ZFYVE28: variants seen among roughly 807,000 people sequenced by gnomAD.
ZFYVE28 encodes the protein lateral signaling target protein 2 homolog.
In ZFYVE28, 40 loss-of-function variants were observed where a neutral mutation model predicts 82.1. The ratio of observed to expected loss-of-function variants is 0.49; its 90% CI spans 0.38 to 0.63. The LOEUF (loss-of-function observed/expected upper bound fraction) is 0.63, where lower values mean the gene tolerates loss of function less well. Among genes scored for constraint, ZFYVE28 ranks in the 30% least tolerant of loss-of-function variants. ZFYVE28 has a pLI of 0.00. For missense variants in ZFYVE28, 1,321 were observed against 1,242.1 expected (o/e 1.06, Z -0.96); for synonymous variants, 612 against 546.1 (o/e 1.12, Z -1.68).
At position 2,305,325 on chromosome 4, in the gene ZFYVE28, C is replaced by G. The variant is rs202215374; in HGVS notation, c.1015G>C (p.Asp339His). The change falls in exon 8 of 13, where the codon GAC becomes CAC. Residue 339 changes from aspartate (D) to histidine (H), a missense_variant. By Grantham distance (81) the Asp-to-His change is moderately conservative (BLOSUM62 -1). Around this residue, in one of 2 missense-constraint regions of ZFYVE28, gnomAD observed 978 missense variants for 833.7 expected, o/e 1.17. Transcript: ENST00000290974. ...CGGCTGAGCTGCTCCAGCTCCTGGT[C>G]GTCGTACTGCATGGAGCAGGCCAGC... Reference protein sequence around the residue: ...AELACSMQYDDQELEQLSRMV... With the variant: ...AELACSMQYDHQELEQLSRMV... 6.8e-6 allele frequency: 11 copies of G among 1,613,124 alleles called. No homozygotes were observed. The East Asian group carries it at 2.5e-4, about 36-fold the overall frequency.
chr4:2,320,368 G>T lies in ZFYVE28; in HGVS notation c.702-97C>A. 1 of 1,047,106 alleles carries T rather than the reference G, an allele frequency of 9.6e-7. No individual in the cohort carries two copies. The highest frequency in any genetic ancestry group is 1.4e-6 in the Non-Finnish European group (1 of 705,210). 64.9% of individuals were successfully genotyped at this position (1,047,106 alleles called of 1,614,324 possible). A position where few individuals can be genotyped will look rare whatever the true frequency, so the allele number is the denominator to read the frequency against. On this transcript the variant is annotated intron_variant, in intron 6 of 12. Coordinates refer to ENST00000290974, the MANE Select transcript of ZFYVE28 (RefSeq NM_020972.3). This position sits in a 1 kb window ranked among gnomAD's most constrained non-coding sequence, Gnocchi z 5.1. The stretch of plus-strand genomic sequence containing the variant: ...ACCACCTGCGAAAACCACGCCCGCT[G>T]GGACTCTGCAGCGCCACTGTCCCAG...
chr4:2,378,569 T>C (rs73072342), intron 1 of ZFYVE28, among the ~76,000 whole-genome samples: 27,365 of 152,154 alleles, frequency 0.18, 2,904 homozygotes, highest in African/African-American at 0.3. Flanking sequence ...GAGACACTTT[T>C]TGGAACTTCT....
chr4:2,330,694 T>C (rs1720540530), intron 6 of ZFYVE28: 1 of 1,443,436 alleles, frequency 6.9e-7, no homozygotes. Context: ...AAGAGGACAC[T>C]GGAGCAGAGG....
At chr4:2,401,942 C>T (rs754767217) in intron 1 of ZFYVE28, among the ~76,000 whole-genome samples, 7 of 152,306 alleles carry the variant, frequency 4.6e-5, no homozygotes, top group East Asian at 1.9e-4. Flanking sequence ...CCTGAAGCCC[C>T]GTGTGCGTGG....
chr4:2,320,871 T>C lies in ZFYVE28; in HGVS notation c.702-600A>G, dbSNP rs1461957170. ...TCCCCTCCCCAGGACTGGGGCCGCA[T>C]GTGGCTGAGGCCGGCTTTCCTCACT... On this transcript the variant is annotated intron_variant, in intron 6 of 12. Coordinates refer to ENST00000290974, the MANE Select transcript of ZFYVE28 (RefSeq NM_020972.3). This position sits in a 1 kb window ranked among gnomAD's most constrained non-coding sequence, Gnocchi z 5.1. Among the ~76,000 whole-genome samples, 1 of 152,070 alleles carries C rather than the reference T, an allele frequency of 6.6e-6. No homozygotes were observed. The highest frequency in any genetic ancestry group is 1.5e-5 in the Non-Finnish European group (1 of 68,004).
rs1733093631 is a variant in ZFYVE28, at chr4:2,416,802, C to CT, written c.39+1482_39+1483insA. 8.5e-6 allele frequency among the ~76,000 whole-genome samples: 1 copy of CT among 117,158 alleles called. No homozygotes were observed. The highest frequency in any genetic ancestry group is 2.5e-4 in the South Asian group (1 of 4,020). The allele number at this position is 117,158 out of a possible 152,430, so 76.9% of individuals were successfully genotyped here. A position where few individuals can be genotyped will look rare whatever the true frequency, so the allele number is the denominator to read the frequency against. On this transcript the variant is annotated intron_variant, in intron 1 of 12. Coordinates refer to ENST00000290974, the MANE Select transcript of ZFYVE28 (RefSeq NM_020972.3). This position sits in a 1 kb window ranked among gnomAD's most constrained non-coding sequence, Gnocchi z 4.6. ...GAGTGACGCCACAGGAACCCTGAAT[C>CT]CCCCCGAGTCCCCTCCCAATCAAGC...
chr4:2,288,115 G>A (rs1315051042), intron 8 of ZFYVE28, among the ~76,000 whole-genome samples: 1 of 152,152 alleles, frequency 6.6e-6, no homozygotes, highest in Non-Finnish European at 1.5e-5. Flanking sequence ...CCCCACGACA[G>A]CAAGGCACAG....
Position 2,312,659 on chromosome 4 carries a change from C to T in ZFYVE28, c.804-7123G>A, listed in dbSNP as rs1018146993. The stretch of plus-strand genomic sequence containing the variant: ...AGGAGAATGGCATGAACCCAGGAGG[C>T]GGAGCTTGCAGTGAGCGAGATCGCG... On this transcript the variant is annotated intron_variant, in intron 7 of 12. Transcript: ENST00000290974. Among the ~76,000 whole-genome samples the T allele has an allele frequency of 2.3e-5, 3 of 130,198 alleles. No individual in the cohort carries two copies. In the East Asian group the frequency reaches 7.5e-4, roughly 32 times the overall value. 85.4% of individuals were successfully genotyped at this position (130,198 alleles called of 152,430 possible).
Position 2,305,316 on chromosome 4 carries a change from G to A in ZFYVE28, c.1024C>T (p.Leu342=), listed in dbSNP as rs1188180019. The part of the protein sequence containing the change: ...ACSMQYDDQE[L]EQLSRMVHRA... ...TGGACCATGCGGCTGAGCTGCTCCAGCTCCTGGTCGTCGTACTGCATGGAG... is the reference window on the plus strand; with the variant it reads ...TGGACCATGCGGCTGAGCTGCTCCAACTCCTGGTCGTCGTACTGCATGGAG... The change falls in exon 8 of 13, where the codon CTG becomes TTG. Residue 342 remains leucine (L), a synonymous_variant. Transcript: ENST00000290974. The A allele has an allele frequency of 4.3e-6, 7 of 1,612,698 alleles. No individual in the cohort carries two copies. The highest frequency in any genetic ancestry group is 5.9e-6 in the Non-Finnish European group (7 of 1,179,856).
At chr4:2,354,453 ATTTTTT>A (rs11454323) in intron 1 of ZFYVE28, among the ~76,000 whole-genome samples, 26 of 122,522 alleles carry the variant, frequency 2.1e-4, no homozygotes, top group African/African-American at 5.7e-4. Context: ...CTCTCAGGAA[ATTTTTT>A]TTTTTTTTTT....
chr4:2,356,563 C>T (rs1725363170), intron 1 of ZFYVE28, among the ~76,000 whole-genome samples: 1 of 152,216 alleles, frequency 6.6e-6, no homozygotes, highest in Non-Finnish European at 1.5e-5. Context: ...TGTCCCTGCA[C>T]TTTGTGCCTT....
intron 1 of ZFYVE28, among the ~76,000 whole-genome samples, chr4:2,401,409 T>G (rs1731160493): frequency 6.6e-6 from 1 of 152,112 alleles, no homozygotes; most frequent in Non-Finnish European, 1.5e-5. Context: ...CATCCCACCC[T>G]CACAGCCTGT....
chr4:2,350,784 C>T (rs532700020), intron 2 of ZFYVE28, among the ~76,000 whole-genome samples: 3 of 152,190 alleles, frequency 2.0e-5, no homozygotes, highest in Admixed American at 2.0e-4. Context: ...TCCAAAAACA[C>T]CCAAAAGGAC....
chr4:2,395,160 G>A (rs1303326716), intron 1 of ZFYVE28, among the ~76,000 whole-genome samples: 2 of 152,072 alleles, frequency 1.3e-5, no homozygotes, highest in African/African-American at 4.8e-5. Context: ...TCACTGCCAC[G>A]CCAGTCGTAC....
At chr4:2,347,131 G>A (rs1723712975) in intron 2 of ZFYVE28, among the ~76,000 whole-genome samples, 1 of 152,080 alleles carries the variant, frequency 6.6e-6, no homozygotes, top group South Asian at 2.1e-4. Context: ...AAGCTGGAGT[G>A]GCTACATGAA....
intron 1 of ZFYVE28, among the ~76,000 whole-genome samples, chr4:2,388,472 C>A (rs527295498): frequency 7.2e-5 from 11 of 152,246 alleles, no homozygotes; most frequent in African/African-American, 2.6e-4. Flanking sequence ...CATCCCACTG[C>A]TGCACAAGAA....
rs1056088676 is a variant in ZFYVE28, at chr4:2,332,179, C to G, written c.701+3526G>C. Among the ~76,000 whole-genome samples the G allele has an allele frequency of 6.6e-6, 1 of 152,172 alleles. No individual in the cohort carries two copies. The highest frequency in any genetic ancestry group is 6.5e-5 in the Admixed American group (1 of 15,286). ...CTCCACCCTCAGCTCCTGCCCCGCT[C>G]AGCACCCCTGCCTCCCCTCTGCTCT... On this transcript the variant is annotated intron_variant, in intron 6 of 12. Coordinates refer to ENST00000290974, the MANE Select transcript of ZFYVE28 (RefSeq NM_020972.3). The surrounding 1 kb of genome is among the most constrained non-coding windows in gnomAD (Gnocchi z 4.7).
At chr4:2,334,029 C>A (rs1012611857) in intron 6 of ZFYVE28, among the ~76,000 whole-genome samples, 4 of 152,192 alleles carry the variant, frequency 2.6e-5, no homozygotes, top group Non-Finnish European at 4.4e-5. Flanking sequence ...GGACACCCTG[C>A]CCTCCAGCCC....
chr4:2,337,527 A>G, intron 4 of ZFYVE28, 31 bp from the exon 5 acceptor site: 1 of 1,566,152 alleles, frequency 6.4e-7, no homozygotes, highest in Non-Finnish European at 8.7e-7. Context: ...GTGAGGCCGC[A>G]CCTGGGCTGT....
Sources: gnomAD v4.1 joint callset for allele counts (sites outside exome capture counted in the v4.1 genomes callset) on GRCh38, gnomAD v4.1.1 for gene constraint, gnomAD v4.1.1 regional missense constraint, Gnocchi (gnomAD v3.1) non-coding constraint, MANE v1.5 for transcripts, NCBI Gene and HGNC (gene_info 2026-07-23, HGNC 2026-07-21) for gene names.